INVS: variants seen among roughly 807,000 people sequenced by gnomAD.
INVS encodes inversin.
INVS carries 86 observed loss-of-function variants against 108.8 expected under a neutral mutation model. The observed-to-expected ratio is 0.79, with a 90% CI of 0.66 to 0.95. The LOEUF is 0.95. Among genes scored for constraint, INVS ranks in the 40% least tolerant of loss-of-function variants. The pLI, the probability that INVS is intolerant of heterozygous loss-of-function variation, is 0.00. For missense variants in INVS, 1,169 were observed against 1,297.4 expected (o/e 0.90, Z 1.52); for synonymous variants, 455 against 473.5 (o/e 0.96, Z 0.51).
At chr9:100,184,455 C>T (rs1326845571) in intron 3 of INVS, among the ~76,000 whole-genome samples, 1 of 152,158 alleles carries the variant, frequency 6.6e-6, no homozygotes, top group Non-Finnish European at 1.5e-5. Flanking sequence ...CCATAGACCA[C>T]TTGCTTCGTG....
At chr9:100,209,765 G>A (rs527678435) in intron 3 of INVS, among the ~76,000 whole-genome samples, 6 of 76,078 alleles carry the variant, frequency 7.9e-5, no homozygotes, top group Middle Eastern at 0.012. Flanking sequence ...ACGAGACTCC[G>A]TCTCAAAAAA....
chr9:100,220,137 T>TAAA (rs200115709), intron 3 of INVS, among the ~76,000 whole-genome samples: 25 of 151,470 alleles, frequency 1.7e-4, no homozygotes, highest in East Asian at 7.7e-4. Flanking sequence ...GCTTTTTTTT[T>TAAA]AAAAAAAGGA....
intron 3 of INVS, chr9:100,129,943 G>T (rs2118907527): frequency 2.4e-6 from 1 of 424,576 alleles, no homozygotes. Context: ...CAAGAATCTG[G>T]ATACAAATTC....
chr9:100,245,842 T>A (rs1488516412), intron 7 of INVS, among the ~76,000 whole-genome samples: 1 of 152,186 alleles, frequency 6.6e-6, no homozygotes, highest in East Asian at 1.9e-4. Context: ...CCTGAATAGA[T>A]GGATCTCATG....
At chr9:100,144,147 G>A (rs1383120276) in intron 3 of INVS, among the ~76,000 whole-genome samples, 1 of 152,064 alleles carries the variant, frequency 6.6e-6, no homozygotes, top group Non-Finnish European at 1.5e-5. Flanking sequence ...CCAGATGTCC[G>A]GCACTTGTAG....
intron 2 of INVS, chr9:100,117,501 C>T: frequency 1.2e-6 from 1 of 809,636 alleles, no homozygotes; most frequent in South Asian, 1.4e-5. Flanking sequence ...CGGCCTCAGC[C>T]CGGGCCCCGT....
intron 2 of INVS, among the ~76,000 whole-genome samples, chr9:100,122,647 G>A (rs149239588): frequency 1.1e-3 from 140 of 124,376 alleles, no homozygotes; most frequent in African/African-American, 4.1e-3. Context: ...GCAGTGGCAC[G>A]ATTTCGGCTT....
chr9:100,266,049 C>T (rs1214152664), intron 11 of INVS, among the ~76,000 whole-genome samples: 1 of 152,128 alleles, frequency 6.6e-6, no homozygotes, highest in Non-Finnish European at 1.5e-5. Context: ...CACTGCACTC[C>T]AGCCTCTGCA....
chr9:100,100,275 G>GA (rs1359731780), intron 1 of INVS, among the ~76,000 whole-genome samples: 1 of 151,614 alleles, frequency 6.6e-6, no homozygotes, highest in Non-Finnish European at 1.5e-5. Context: ...TTCTCAGGGT[G>GA]ACAAAATTAG....
At chr9:100,260,903 C>T (rs1167516897) in intron 10 of INVS, among the ~76,000 whole-genome samples, 1 of 152,072 alleles carries the variant, frequency 6.6e-6, no homozygotes, top group African/African-American at 2.4e-5. Flanking sequence ...TAGAATAATT[C>T]CCCCTAAGTG....
intron 3 of INVS, among the ~76,000 whole-genome samples, chr9:100,218,679 A>G (rs1193808089): frequency 6.6e-6 from 1 of 152,226 alleles, no homozygotes; most frequent in Non-Finnish European, 1.5e-5. Flanking sequence ...AAAGGTGGTC[A>G]TATTTGTGCA....
At chr9:100,279,667 G>A (rs1833219225) in intron 12 of INVS, among the ~76,000 whole-genome samples, 1 of 152,192 alleles carries the variant, frequency 6.6e-6, no homozygotes, top group African/African-American at 2.4e-5. Flanking sequence ...AGGCAAAGCT[G>A]GGTTAAATCA....
rs1230011174 is a variant in INVS at position 100,242,603 on chromosome 9, G to A, written c.830G>A (p.Arg277Lys). 4 of 1,611,060 alleles carry A rather than the reference G, an allele frequency of 2.5e-6. No individual in the cohort carries two copies. In the African/African-American group the frequency reaches 4.0e-5, roughly 16 times the overall value. Residue 277 changes from arginine to lysine, a missense_variant, in exon 7 of 17, where the codon AGA becomes AAA. Around this residue, in one of 3 missense-constraint regions of INVS, gnomAD observed 365 missense variants for 397.5 expected, o/e 0.92. Transcript: ENST00000262457. ...HAQIVHLLLE[R>K]NKSGTIPSDS... ...CAGATTGTCCATCTCCTTTTAGAAA[G>A]AAATAAGTCTGGAACTATCCCATCT...
chr9:100,238,732 T>A (rs911872696), intron 5 of INVS, among the ~76,000 whole-genome samples: 3 of 152,248 alleles, frequency 2.0e-5, no homozygotes, highest in African/African-American at 7.2e-5. Flanking sequence ...TTGTTTACCC[T>A]ATCCATTGAA....
At chr9:100,130,246 CT>C (rs1361081593) in intron 3 of INVS, 3 of 152,154 alleles carry the variant, frequency 2.0e-5, no homozygotes, top group African/African-American at 7.2e-5. Flanking sequence ...GTACTACGAA[CT>C]CCCTATGCAT....
At chr9:100,161,313 C>T (rs1007825886) in intron 3 of INVS, among the ~76,000 whole-genome samples, 6 of 145,070 alleles carry the variant, frequency 4.1e-5, no homozygotes, top group African/African-American at 1.0e-4. Context: ...GAGACGAGAT[C>T]GCACCACTGC....
At chr9:100,293,771 C>A (rs772519669) in intron 14 of INVS, among the ~76,000 whole-genome samples, 24 of 152,284 alleles carry the variant, frequency 1.6e-4, no homozygotes, top group Non-Finnish European at 2.6e-4. Flanking sequence ...ATGTTCACGT[C>A]TCATAATCTC....
intron 12 of INVS, among the ~76,000 whole-genome samples, chr9:100,279,017 G>A (rs1403985783): frequency 6.6e-6 from 1 of 152,276 alleles, no homozygotes; most frequent in African/African-American, 2.4e-5. Context: ...TCTTATCCCT[G>A]CCAGATTTAG....
Position 100,240,067 on chromosome 9 carries a change from C to T in INVS, c.623C>T (p.Ala208Val). ...VHTVRCILDA[A>V]PTESLLNWQD... is the part of the protein sequence containing the mutation. ...CTGGTTCCTTCAAATCAGGATGCTG[C>T]TCCAACAGAGTCTTTACTGAACTGG... The change falls in exon 6 of 17, where the codon GCT (alanine) becomes GTT (valine). Residue 208 changes from alanine (A) to valine (V), a missense_variant. Physicochemically the swap from Ala to Val is moderately conservative, Grantham distance 64. Transcript: ENST00000262457. The T allele has an allele frequency of 6.2e-7, 1 of 1,613,952 alleles. No individual in the cohort carries two copies. The highest frequency in any genetic ancestry group is 8.5e-7 in the Non-Finnish European group (1 of 1,179,840).
Sources: gnomAD v4.1 joint callset for allele counts (sites outside exome capture counted in the v4.1 genomes callset) on GRCh38, gnomAD v4.1.1 for gene constraint, gnomAD v4.1.1 regional missense constraint, MANE v1.5 for transcripts, NCBI Gene and HGNC (gene_info 2026-07-23, HGNC 2026-07-21) for gene names.